The following ARMC9 variants were observed in gnomAD, a reference collection of about 807,000 sequenced individuals.
ARMC9 encodes the protein armadillo repeat containing 9.
A neutral mutation model predicts 107.0 loss-of-function variants in ARMC9; 94 were observed. That is an observed-to-expected ratio of 0.88 (90% confidence interval 0.74 to 1.04). The LOEUF is 1.04. Among genes scored for constraint, ARMC9 ranks in the 50% least tolerant of loss-of-function variants. The pLI, the probability that ARMC9 is intolerant of heterozygous loss-of-function variation, is 0.00. For synonymous variants in ARMC9, 380 were observed against 396.9 expected, an observed-to-expected ratio of 0.96 and a Z score of 0.51; for missense variants, 942 against 1,030.1, an observed-to-expected ratio of 0.91 and a Z score of 1.17.
At chr2:231,299,916 G>A (rs2041620870) in intron 19 of ARMC9, among the ~76,000 whole-genome samples, 1 of 152,196 alleles carries the variant, frequency 6.6e-6, no homozygotes, top group African/African-American at 2.4e-5. Flanking sequence ...AATGACAGCT[G>A]TTATTTAAGG....
intron 8 of ARMC9, among the ~76,000 whole-genome samples, chr2:231,238,251 GTA>G (rs2035955496): frequency 6.6e-6 from 1 of 152,126 alleles, no homozygotes; most frequent in African/African-American, 2.4e-5. Context: ...GACGGGAAAG[GTA>G]TGTTTTTAAT....
At chr2:231,283,031 C>T (rs985107244) in intron 17 of ARMC9, among the ~76,000 whole-genome samples, 1 of 151,364 alleles carries the variant, frequency 6.6e-6, no homozygotes, top group Non-Finnish European at 1.5e-5. Context: ...TGAGATGCAG[C>T]ATGGAGGAAA....
chr2:231,273,055 G>A lies in ARMC9; in HGVS notation c.1311G>A (p.Gly437=), dbSNP rs754737763. 237 of 1,613,650 alleles carry A rather than the reference G, an allele frequency of 1.5e-4. No individual in the cohort carries two copies. The highest frequency in any genetic ancestry group is 1.9e-4 in the Non-Finnish European group (230 of 1,179,796). ...KDIITRENVL[G]ALQKFSLRRP... Reference sequence around the variant, plus strand: ...TCATCACCAGGGAGAATGTTCTTGGGGCCCTGCAGAAGTTCAGTCTCAGGT... The same window carrying A: ...TCATCACCAGGGAGAATGTTCTTGGAGCCCTGCAGAAGTTCAGTCTCAGGT... The change falls in exon 14 of 25, where the codon GGG becomes GGA. Residue 437 remains glycine, a synonymous_variant. Coordinates refer to ENST00000611582, the MANE Select transcript of ARMC9 (RefSeq NM_001352754.2).
At chr2:231,265,450 T>C (rs1442322629) in intron 12 of ARMC9, among the ~76,000 whole-genome samples, 3 of 152,124 alleles carry the variant, frequency 2.0e-5, no homozygotes, top group Non-Finnish European at 4.4e-5. Context: ...TTGCTGCAAT[T>C]TGGATGGAGC....
chr2:231,306,358 G>C (rs1439908459), intron 19 of ARMC9, among the ~76,000 whole-genome samples: 2 of 152,114 alleles, frequency 1.3e-5, no homozygotes, highest in Non-Finnish European at 2.9e-5. Context: ...ATAAAGACTT[G>C]AGTCATTGCC....
At chr2:231,338,206 T>C (rs2044258645) in intron 20 of ARMC9, among the ~76,000 whole-genome samples, 1 of 151,714 alleles carries the variant, frequency 6.6e-6, no homozygotes. Context: ...AGAACATAAA[T>C]CATAGTGAAG....
intron 18 of ARMC9, chr2:231,295,863 A>AAT: frequency 5.4e-6 from 1 of 185,398 alleles, no homozygotes; most frequent in Non-Finnish European, 1.1e-5. Flanking sequence ...GATTAAGTGA[A>AAT]ATAACGGGTA....
chr2:231,292,351 C>T (rs2041072658), intron 18 of ARMC9, among the ~76,000 whole-genome samples: 1 of 152,114 alleles, frequency 6.6e-6, no homozygotes, highest in South Asian at 2.1e-4. Flanking sequence ...TAAATCCTGC[C>T]CCACTATTAA....
chr2:231,233,917 T>C (rs1452440082), intron 7 of ARMC9, among the ~76,000 whole-genome samples: 1 of 152,206 alleles, frequency 6.6e-6, no homozygotes, highest in Non-Finnish European at 1.5e-5. Context: ...GTTGAGTGTC[T>C]TTTTTTAAAT....
intron 23 of ARMC9, among the ~76,000 whole-genome samples, chr2:231,367,268 G>A (rs543719608): frequency 4.6e-5 from 7 of 152,260 alleles, no homozygotes; most frequent in South Asian, 2.1e-4. Flanking sequence ...GAGGTGGGAC[G>A]TTACGGATTC....
intron 9 of ARMC9, among the ~76,000 whole-genome samples, chr2:231,244,492 A>G (rs758619261): frequency 3.6e-4 from 55 of 151,578 alleles, no homozygotes; most frequent in Non-Finnish European, 7.1e-4. Context: ...CAGCTTCCTG[A>G]ATAGCTGGGA....
At chr2:231,262,649 C>T (rs1307644604) in intron 12 of ARMC9, among the ~76,000 whole-genome samples, 2 of 152,172 alleles carry the variant, frequency 1.3e-5, no homozygotes, top group Non-Finnish European at 2.9e-5. Flanking sequence ...AAATTCCCTA[C>T]TCTTTACCTC....
intron 9 of ARMC9, among the ~76,000 whole-genome samples, chr2:231,246,782 T>G (rs1559346505): frequency 6.6e-6 from 1 of 152,196 alleles, no homozygotes; most frequent in Non-Finnish European, 1.5e-5. Context: ...CTTTTCACAG[T>G]GGCTAATTTA....
chr2:231,204,227 A>G (rs906999724), intron 1 of ARMC9, among the ~76,000 whole-genome samples: 2 of 148,916 alleles, frequency 1.3e-5, no homozygotes, highest in African/African-American at 4.9e-5. Context: ...CCCCTCCTCC[A>G]TACTCTCTCT....
chr2:231,328,491 G>A (rs1171541081), intron 19 of ARMC9, among the ~76,000 whole-genome samples: 6 of 151,986 alleles, frequency 3.9e-5, no homozygotes, highest in African/African-American at 9.7e-5. Context: ...GATTCATTTC[G>A]AGTTGATTTT....
intron 17 of ARMC9, among the ~76,000 whole-genome samples, chr2:231,290,283 C>T (rs1170515723): frequency 1.3e-5 from 2 of 152,172 alleles, no homozygotes. Flanking sequence ...GAAGGTAGTG[C>T]TCTGTTTTGG....
In ARMC9 at chr2:231,238,808, C is replaced by G. The variant is rs143484802; in HGVS notation, c.781-1135C>G. Among the ~76,000 whole-genome samples, 920 of 152,298 alleles carry G rather than the reference C, an allele frequency of 6.0e-3. 16 individuals are homozygous for G. Among genetic ancestry groups the G allele is most frequent in the African/African-American group, 0.021 (883 of 41,554 alleles). ...AGCTATGTAACAAAGGGTGACAGAC[C>G]TCTGCCACAGGATGGACAGAGCCTT... On this transcript the variant is annotated intron_variant, in intron 8 of 24. Transcript: ENST00000611582.
chr2:231,256,306 A>C, intron 9 of ARMC9: 1 of 1,555,318 alleles, frequency 6.4e-7, no homozygotes, highest in Non-Finnish European at 8.7e-7. Flanking sequence ...GGTTGCGCTG[A>C]GCTTGCTTGC....
chr2:231,370,985 T>C (rs2045997462), intron 24 of ARMC9: 6 of 450,662 alleles, frequency 1.3e-5, no homozygotes, highest in Non-Finnish European at 2.7e-5. Flanking sequence ...GGGTTGGAAG[T>C]GGGGGTAATG....
Sources: gnomAD v4.1 joint callset for allele counts (sites outside exome capture counted in the v4.1 genomes callset) on GRCh38, gnomAD v4.1.1 for gene constraint, MANE v1.5 for transcripts, NCBI Gene and HGNC (gene_info 2026-07-23, HGNC 2026-07-21) for gene names.